The following SDCCAG8 variants were observed in gnomAD, a reference collection of about 807,000 sequenced individuals.
The protein encoded by SDCCAG8 is serologically defined colon cancer antigen 8.
Under a neutral mutation model 101.8 loss-of-function variants are expected in SDCCAG8, and 74 were observed. The ratio of observed to expected loss-of-function variants is 0.73; its 90% CI spans 0.60 to 0.88. The LOEUF (loss-of-function observed/expected upper bound fraction) is 0.88, where lower values mean the gene tolerates loss of function less well. Among genes scored for constraint, SDCCAG8 ranks in the 40% least tolerant of loss-of-function variants. The probability of loss-of-function intolerance (pLI) is 0.00; values close to 1 mark genes in which losing one functional copy is unlikely to be tolerated. For synonymous variants in SDCCAG8, 281 were observed against 292.9 expected (o/e 0.96, Z 0.41); for missense variants, 787 against 822.6 (o/e 0.96, Z 0.53).
At chr1:243,434,923 G>A (rs1352573445) in intron 16 of SDCCAG8, among the ~76,000 whole-genome samples, 1 of 152,162 alleles carries the variant, frequency 6.6e-6, no homozygotes, top group Non-Finnish European at 1.5e-5. Context: ...CATTAAGTGG[G>A]AAAAGGAGGC....
At chr1:243,397,547 G>C (rs1047404357) in intron 13 of SDCCAG8, among the ~76,000 whole-genome samples, 1 of 152,210 alleles carries the variant, frequency 6.6e-6, no homozygotes, top group South Asian at 2.1e-4. Flanking sequence ...GAAAGCAAAT[G>C]CATGCACTGT....
chr1:243,365,329 GT>G (rs1463846705), intron 12 of SDCCAG8, among the ~76,000 whole-genome samples: 1 of 152,046 alleles, frequency 6.6e-6, no homozygotes, highest in Non-Finnish European at 1.5e-5. Context: ...ACTCCCAAAT[GT>G]TTTTGGGACC....
chr1:243,303,728 G>A (rs2071783421), intron 6 of SDCCAG8, among the ~76,000 whole-genome samples: 2 of 152,148 alleles, frequency 1.3e-5, no homozygotes, highest in African/African-American at 4.8e-5. Context: ...TTATTGTTAA[G>A]TCTTCTAGTC....
intron 16 of SDCCAG8, among the ~76,000 whole-genome samples, chr1:243,454,630 G>A (rs2083603617): frequency 6.6e-6 from 1 of 152,196 alleles, no homozygotes. Context: ...ACATATTGTG[G>A]TTAATAATAA....
In SDCCAG8 at chr1:243,293,945, T is replaced by A. The variant is rs564048270; in HGVS notation, c.675+726T>A. Reference sequence around the variant, plus strand: ...TCTGCTCTTGAATACCTTTAATAAATTTTTTATTTCAGTTATTATACTTTT... The same window carrying A: ...TCTGCTCTTGAATACCTTTAATAAAATTTTTATTTCAGTTATTATACTTTT... On this transcript the variant is annotated intron_variant, in intron 6 of 17. Transcript: ENST00000366541. Among the ~76,000 whole-genome samples the A allele has an allele frequency of 2.6e-4, 39 of 152,356 alleles. No individual in the cohort carries two copies. The South Asian group carries it at 6.8e-3, about 27-fold the overall frequency.
At position 243,418,016 on chromosome 1, in the gene SDCCAG8, A is replaced by G; in HGVS notation, c.1793A>G (p.Lys598Arg). The change falls in exon 15 of 18, where the codon AAG (lysine) becomes AGG (arginine). Residue 598 changes from lysine (K) to arginine (R), a missense_variant. Physicochemically the swap from Lys to Arg is conservative, Grantham distance 26 (BLOSUM62 2). Transcript: ENST00000366541. ...ACCTCCCAGAATACATTTTTGACAAAGTTAAAGGAAGAATGCTGTACATTA... is the reference window on the plus strand; with the variant it reads ...ACCTCCCAGAATACATTTTTGACAAGGTTAAAGGAAGAATGCTGTACATTA... ...LLTSQNTFLT[K>R]LKEECCTLAK... 6.2e-7 allele frequency: 1 copy of G among 1,613,182 alleles called. No individual in the cohort carries two copies. The highest frequency in any genetic ancestry group is 8.5e-7 in the Non-Finnish European group (1 of 1,179,354).
At chr1:243,344,883 TTTATG>T (rs2075606621) in intron 12 of SDCCAG8, among the ~76,000 whole-genome samples, 1 of 152,194 alleles carries the variant, frequency 6.6e-6, no homozygotes, top group African/African-American at 2.4e-5. Context: ...GAACAGATGT[TTTATG>T]TTATATCTTT....
Position 243,378,867 on chromosome 1 carries a change from C to G in SDCCAG8, c.1616+4C>G. ...AGCACCAACTGCACCTCACCAGGTA[C>G]TCCCTAATCCCATTATGCGCCATAG... On this transcript the variant is annotated splice_donor_region_variant and intron_variant, in intron 13 of 17. Transcript: ENST00000366541. The G allele has an allele frequency of 6.2e-7, 1 of 1,614,032 alleles. No homozygotes were observed.
intron 5 of SDCCAG8, among the ~76,000 whole-genome samples, chr1:243,288,868 G>A (rs992775387): frequency 3.3e-5 from 5 of 151,834 alleles, no homozygotes; most frequent in South Asian, 2.1e-4. Context: ...TTAGCCGGGC[G>A]TGGTGGTGGG....
intron 16 of SDCCAG8, among the ~76,000 whole-genome samples, chr1:243,460,617 G>C (rs1051982335): frequency 1.3e-5 from 2 of 152,246 alleles, no homozygotes; most frequent in African/African-American, 4.8e-5. Context: ...TATAGGTAGA[G>C]CAGCCCTAGC....
At chr1:243,392,273 C>T (rs1165416837) in intron 13 of SDCCAG8, among the ~76,000 whole-genome samples, 2 of 152,146 alleles carry the variant, frequency 1.3e-5, no homozygotes, top group African/African-American at 4.8e-5. Context: ...AAGGGCATGA[C>T]CACCTGACTG....
intron 11 of SDCCAG8, 23 bp downstream of exon 11, chr1:243,341,196 A>G (rs1213861113): frequency 1.2e-6 from 2 of 1,612,570 alleles, no homozygotes; most frequent in Non-Finnish European, 1.7e-6. Flanking sequence ...ATTTTAGTGT[A>G]ATCGTTACTT....
At chr1:243,396,794 C>T (rs2079061280) in intron 13 of SDCCAG8, among the ~76,000 whole-genome samples, 1 of 152,194 alleles carries the variant, frequency 6.6e-6, no homozygotes. Flanking sequence ...TGTCTTACTA[C>T]TTTGACTCCA....
Position 243,489,018 on chromosome 1 carries a change from A to C in SDCCAG8, c.1990A>C (p.Arg664=). The C allele has an allele frequency of 6.2e-7, 1 of 1,613,382 alleles. No homozygotes were observed. Among genetic ancestry groups the C allele is most frequent in the South Asian group, 1.1e-5 (1 of 91,072 alleles). The change falls in exon 17 of 18, where the codon AGG becomes CGG. Residue 664 remains arginine (R), a synonymous_variant. Transcript: ENST00000366541. The part of the protein sequence containing the change: ...RVHETMKQRL[R]QLDKHSQATA... The stretch of plus-strand genomic sequence containing the variant: ...CTGCGGTGGATTTTTCTCCAGGCTA[A>C]GGCAGCTGGATAAGCACAGCCAGGC...
At chr1:243,262,888 A>G (rs1056041771) in intron 1 of SDCCAG8, among the ~76,000 whole-genome samples, 2 of 152,230 alleles carry the variant, frequency 1.3e-5, no homozygotes, top group Non-Finnish European at 2.9e-5. Flanking sequence ...CCCACTGGAT[A>G]CTTAAAGGGA....
intron 9 of SDCCAG8, among the ~76,000 whole-genome samples, chr1:243,324,117 A>G (rs529246497): frequency 1.3e-3 from 204 of 152,060 alleles, no homozygotes; most frequent in African/African-American, 4.8e-3. Flanking sequence ...CCCCAGCCCT[A>G]CGTGTTTTGC....
At chr1:243,412,319 A>C (rs1356300939) in intron 13 of SDCCAG8, among the ~76,000 whole-genome samples, 2 of 152,204 alleles carry the variant, frequency 1.3e-5, no homozygotes, top group Non-Finnish European at 2.9e-5. Context: ...CCACACTGGA[A>C]GAAGAATTGT....
At chr1:243,495,186 G>A (rs972192063) in intron 17 of SDCCAG8, among the ~76,000 whole-genome samples, 6 of 152,326 alleles carry the variant, frequency 3.9e-5, no homozygotes, top group East Asian at 1.9e-4. Flanking sequence ...AGGTGGCACC[G>A]CAGAGCCAGG....
At chr1:243,466,162 A>T (rs149793387) in intron 16 of SDCCAG8, among the ~76,000 whole-genome samples, 1 of 152,242 alleles carries the variant, frequency 6.6e-6, no homozygotes, top group Non-Finnish European at 1.5e-5. Flanking sequence ...CACCCAAAGG[A>T]TGGCAATTTA....
Sources: gnomAD v4.1 joint callset for allele counts (sites outside exome capture counted in the v4.1 genomes callset) on GRCh38, gnomAD v4.1.1 for gene constraint, MANE v1.5 for transcripts, NCBI Gene and HGNC (gene_info 2026-07-23, HGNC 2026-07-21) for gene names.